DNAH14: variants seen among roughly 807,000 people sequenced by gnomAD.
The protein encoded by DNAH14 is dynein axonemal heavy chain 14.
In DNAH14, 478 loss-of-function variants were observed where a neutral mutation model predicts 520.9. The observed-to-expected ratio is 0.92, with a 90% CI of 0.85 to 0.99. The LOEUF is 0.99. Ranked by LOEUF, DNAH14 falls within the 50% of genes least tolerant of loss-of-function variation. DNAH14 has a pLI of 0.00. For missense variants in DNAH14, 4,831 were observed against 5,234.5 expected (o/e 0.92, Z 2.38); for synonymous variants, 1,581 against 1,757.2 (o/e 0.90, Z 2.51).
At chr1:225,290,199 C>A in intron 55 of DNAH14, 117 bp downstream of exon 55, 1 of 670,708 alleles carries the variant, frequency 1.5e-6, no homozygotes, top group Non-Finnish European at 2.2e-6. Flanking sequence ...GGTTCTATTA[C>A]CCTACAATAT....
At position 224,971,776 on chromosome 1, in the gene DNAH14, C is replaced by T. The variant is rs765787441; in HGVS notation, c.768-2315C>T. On this transcript the variant is annotated intron_variant, in intron 7 of 85. Coordinates refer to ENST00000682510, the MANE Select transcript of DNAH14 (RefSeq NM_001367479.1). ...TGGATTTGATGGTAGAAGTGGTGTT[C>T]CTGGAATGAAGTTGGTAGGAAATGA... Among the ~76,000 whole-genome samples the T allele has an allele frequency of 7.4e-4, 112 of 152,222 alleles. 1 individual carries two copies. In the Middle Eastern group the frequency reaches 0.01, roughly 14 times the overall value.
intron 11 of DNAH14, among the ~76,000 whole-genome samples, chr1:225,036,538 C>G (rs572828412): frequency 6.6e-6 from 1 of 152,136 alleles, no homozygotes; most frequent in Non-Finnish European, 1.5e-5. Flanking sequence ...AGTTGCGTGT[C>G]TGTTCCCATA....
At chr1:225,301,307 G>A (rs1319662658) in intron 56 of DNAH14, among the ~76,000 whole-genome samples, 1 of 152,008 alleles carries the variant, frequency 6.6e-6, no homozygotes, top group Non-Finnish European at 1.5e-5. Flanking sequence ...TTTTATTTTT[G>A]TGTAAGTATT....
At chr1:225,136,121 T>C (rs904568212) in intron 27 of DNAH14, among the ~76,000 whole-genome samples, 1 of 152,180 alleles carries the variant, frequency 6.6e-6, no homozygotes, top group Non-Finnish European at 1.5e-5. Flanking sequence ...TGTCATTCTG[T>C]GTCTTTTAAT....
chr1:225,329,696 C>T (rs1297431169), intron 64 of DNAH14, among the ~76,000 whole-genome samples: 1 of 152,130 alleles, frequency 6.6e-6, no homozygotes, highest in Non-Finnish European at 1.5e-5. Context: ...AACTATGAAA[C>T]TTCTTGAGAA....
intron 55 of DNAH14, among the ~76,000 whole-genome samples, chr1:225,291,252 T>G (rs1488520373): frequency 6.6e-6 from 1 of 152,186 alleles, no homozygotes; most frequent in African/African-American, 2.4e-5. Flanking sequence ...TTTTCTTTAG[T>G]CATTCATTCA....
intron 11 of DNAH14, among the ~76,000 whole-genome samples, chr1:225,038,092 T>C (rs1471824364): frequency 2.0e-5 from 3 of 152,202 alleles, no homozygotes; most frequent in Non-Finnish European, 4.4e-5. Flanking sequence ...ATTGAAGCAC[T>C]TCCTTTAGCA....
At chr1:225,273,417 C>T (rs945541303) in intron 52 of DNAH14, among the ~76,000 whole-genome samples, 2 of 152,138 alleles carry the variant, frequency 1.3e-5, no homozygotes, top group African/African-American at 2.4e-5. Flanking sequence ...CCAGCCTGGG[C>T]GACAGAGCGA....
chr1:225,224,141 A>T (rs1027435764), intron 41 of DNAH14, among the ~76,000 whole-genome samples: 3 of 151,946 alleles, frequency 2.0e-5, no homozygotes, highest in African/African-American at 7.3e-5. Flanking sequence ...AATTGGCTTT[A>T]CCCCACCTTG....
chr1:225,047,832 T>G (rs1169193511), intron 15 of DNAH14, among the ~76,000 whole-genome samples: 1 of 152,248 alleles, frequency 6.6e-6, no homozygotes, highest in Non-Finnish European at 1.5e-5. Context: ...TTTCCCACCC[T>G]CTTCAATGAG....
At chr1:225,217,044 T>C (rs954940256) in intron 41 of DNAH14, among the ~76,000 whole-genome samples, 7 of 152,220 alleles carry the variant, frequency 4.6e-5, no homozygotes, top group African/African-American at 1.7e-4. Context: ...TTTATCTACC[T>C]TTGGTCTTTG....
Position 225,351,866 on chromosome 1 carries a change from C to T in DNAH14, c.11516C>T (p.Thr3839Ile). ...GAAAATGCTTCATTGGAGGAAAATA[C>T]AAAACCACCAGAGGAAAGTAAGAAA... ...SSENASLEEN[T>I]KPPEETELLN... is the part of the protein sequence containing the mutation. The change falls in exon 72 of 86, where the codon ACA becomes ATA. Residue 3839 changes from threonine (T) to isoleucine (I), a missense_variant. Transcript: ENST00000682510. 6.4e-7 allele frequency: 1 copy of T among 1,550,800 alleles called. No homozygotes were observed. Among genetic ancestry groups the T allele is most frequent in the Non-Finnish European group, 8.7e-7 (1 of 1,146,438 alleles).
rs557519636 is a variant in DNAH14, at chr1:225,094,333, G to A, written c.3574-2785G>A. 5.9e-5 allele frequency among the ~76,000 whole-genome samples: 9 copies of A among 152,032 alleles called. No individual in the cohort carries two copies. The East Asian group carries it at 1.4e-3, about 23-fold the overall frequency. On this transcript the variant is annotated intron_variant, in intron 21 of 85. Coordinates refer to ENST00000682510, the MANE Select transcript of DNAH14 (RefSeq NM_001367479.1). The stretch of plus-strand genomic sequence containing the variant: ...CCCAGAAATAAAGCCGCATACCTAC[G>A]ACCATCTGATCTTTGACAAAGTTGA...
intron 41 of DNAH14, among the ~76,000 whole-genome samples, chr1:225,210,440 GTATCCAGACTGCCTCTC>G (rs2088220356): frequency 1.3e-5 from 2 of 152,292 alleles, no homozygotes; most frequent in South Asian, 2.1e-4. Flanking sequence ...CAAAGCCACT[GTATCCAGACTGCCTCTC>G]TAGATTCCTC....
chr1:225,242,483 G>C (rs924446808), intron 43 of DNAH14, among the ~76,000 whole-genome samples: 2 of 151,848 alleles, frequency 1.3e-5, no homozygotes, highest in Admixed American at 1.3e-4. Context: ...GCCTACGTGG[G>C]GTCAAGTTCA....
intron 73 of DNAH14, chr1:225,357,942 A>C (rs2095449525): frequency 1.5e-6 from 1 of 669,466 alleles, no homozygotes; most frequent in Non-Finnish European, 2.7e-6. Flanking sequence ...TTTCCAGTAT[A>C]CCCTGAACCT....
intron 15 of DNAH14, among the ~76,000 whole-genome samples, chr1:225,044,965 TA>T (rs2067813554): frequency 1.3e-5 from 2 of 151,222 alleles, no homozygotes; most frequent in Admixed American, 1.3e-4. Flanking sequence ...TAGCTTTTAA[TA>T]ATGTAAATAA....
At chr1:225,181,316 T>G (rs933014580) in intron 36 of DNAH14, among the ~76,000 whole-genome samples, 1 of 152,208 alleles carries the variant, frequency 6.6e-6, no homozygotes, top group African/African-American at 2.4e-5. Context: ...TTTGGTATAA[T>G]GATTAATTTT....
chr1:225,368,172 C>T (rs896446126), intron 77 of DNAH14, 140 bp downstream of exon 77: 13 of 728,682 alleles, frequency 1.8e-5, no homozygotes, highest in East Asian at 8.2e-5. Context: ...TAAGGGCTAA[C>T]GTTTAGAAAC....
Sources: gnomAD v4.1 joint callset for allele counts (sites outside exome capture counted in the v4.1 genomes callset) on GRCh38, gnomAD v4.1.1 for gene constraint, MANE v1.5 for transcripts, NCBI Gene and HGNC (gene_info 2026-07-23, HGNC 2026-07-21) for gene names.